The following CRHBP variants were observed in gnomAD, a reference collection of about 807,000 sequenced individuals.
CRHBP encodes corticotropin releasing hormone binding protein.
A neutral mutation model predicts 34.9 loss-of-function variants in CRHBP; 19 were observed. That is an observed-to-expected ratio of 0.55 (90% confidence interval 0.38 to 0.80). The LOEUF (loss-of-function observed/expected upper bound fraction) is 0.80. Among genes scored for constraint, CRHBP ranks in the 30% least tolerant of loss-of-function variants. The pLI is 0.00. For synonymous variants in CRHBP, 154 were observed against 153.4 expected (o/e 1.00, Z -0.03); for missense variants, 328 against 409.2 (o/e 0.80, Z 1.71).
chr5:76,975,667 G>T (rs1746013172), intron 2 of CRHBP, among the ~76,000 whole-genome samples: 1 of 150,746 alleles, frequency 6.6e-6, no homozygotes, highest in African/African-American at 2.4e-5. Context: ...AGCTGGATGT[G>T]GTTGTGCGTG....
At chr5:76,956,004 A>G (rs1033612384) in intron 4 of CRHBP, 141 bp downstream of exon 4, 11 of 673,670 alleles carry the variant, frequency 1.6e-5, no homozygotes, top group South Asian at 4.2e-5. Context: ...GACCTAAAGG[A>G]TAGTTTCTAT....
intron 3 of CRHBP, 111 bp downstream of exon 3, chr5:76,954,297 C>T (rs1453680191): frequency 7.0e-6 from 9 of 1,294,198 alleles, no homozygotes; most frequent in Non-Finnish European, 8.5e-6. Flanking sequence ...GCCAGTGGCA[C>T]TTCTTAGACA....
At chr5:76,961,509 T>A (rs1745774338) in intron 5 of CRHBP, among the ~76,000 whole-genome samples, 1 of 152,200 alleles carries the variant, frequency 6.6e-6, no homozygotes, top group African/African-American at 2.4e-5. Context: ...CTTATTCCAC[T>A]CTCAATACAA....
At chr5:76,973,524 G>T (rs1239838661), downstream of CRHBP, among the ~76,000 whole-genome samples, 1 of 152,194 alleles carries the variant, frequency 6.6e-6, no homozygotes, top group East Asian at 1.9e-4. Flanking sequence ...ATTGGATTCA[G>T]CAATGGATGA....
chr5:76,956,567 C>T (rs962527895), intron 4 of CRHBP, among the ~76,000 whole-genome samples: 2 of 152,172 alleles, frequency 1.3e-5, no homozygotes, highest in African/African-American at 4.8e-5. Context: ...AACCCCATCT[C>T]TACTAAAAAT....
chr5:76,968,146 T>G (rs1745887362), intron 6 of CRHBP, among the ~76,000 whole-genome samples: 1 of 151,818 alleles, frequency 6.6e-6, no homozygotes, highest in Admixed American at 6.6e-5. Context: ...ATCTTTTTGT[T>G]TATGTATAAA....
At chr5:76,972,179 G>A (rs1745957148), downstream of CRHBP, among the ~76,000 whole-genome samples, 1 of 151,532 alleles carries the variant, frequency 6.6e-6, no homozygotes, top group South Asian at 2.1e-4. Flanking sequence ...GGTCACGGGT[G>A]CATGCTACCT....
rs563505025 is a variant in CRHBP at position 76,964,187 on chromosome 5, G to A, written c.811+727G>A. Among the ~76,000 whole-genome samples the A allele has an allele frequency of 4.9e-4, 74 of 152,220 alleles. 1 individual carries two copies. The South Asian group carries it at 0.012, about 24-fold the overall frequency. ...TAACTCAATGAAGTCTCGGGGAGGT[G>A]GGGGAGAGGAGTCATAAAACATTCC... is the stretch of plus-strand genomic sequence containing the variant. On this transcript the variant is annotated intron_variant, in intron 6 of 6. Transcript: ENST00000274368.
intron 3 of CRHBP, among the ~76,000 whole-genome samples, chr5:76,979,616 T>TG (rs1405103552): frequency 6.6e-6 from 1 of 152,204 alleles, no homozygotes; most frequent in African/African-American, 2.4e-5. Context: ...CCCAAAGTGC[T>TG]GGGATTACAG....
intron 4 of CRHBP, among the ~76,000 whole-genome samples, chr5:76,956,324 A>T (rs1745667958): frequency 6.6e-6 from 1 of 152,206 alleles, no homozygotes; most frequent in Non-Finnish European, 1.5e-5. Flanking sequence ...GTTGGATTAT[A>T]GCACCTCAAT....
chr5:76,963,413 C>A lies in CRHBP; in HGVS notation c.764C>A (p.Ser255Tyr). The A allele has an allele frequency of 6.2e-7, 1 of 1,614,100 alleles. No individual in the cohort carries two copies. Among genetic ancestry groups the A allele is most frequent in the Non-Finnish European group, 8.5e-7 (1 of 1,180,016 alleles). The stretch of plus-strand genomic sequence containing the variant: ...CTGGGAGGAACTGGATTGGACCCTT[C>A]CAAGATGACGCCTTTAGCTGATCTC... ...ELLGGTGLDPSKMTPLADLCY... is the reference protein window; with the variant it reads ...ELLGGTGLDPYKMTPLADLCY... Residue 255 changes from serine (S) to tyrosine (Y), a missense_variant, in exon 6 of 7, where the codon TCC becomes TAC. By Grantham distance (144) the Ser-to-Tyr change is moderately radical. This residue lies in a region of CRHBP where 144 missense variants were observed against 216.7 expected (regional missense o/e 0.66). Coordinates refer to ENST00000274368, the MANE Select transcript of CRHBP (RefSeq NM_001882.4).
In CRHBP at chr5:76,954,202, C is replaced by G. The variant is rs765834486; in HGVS notation, c.333+16C>G. On this transcript the variant is annotated intron_variant, in intron 3 of 6. Transcript: ENST00000274368. ...CTTCCTGAAGGTGAGGCGCCCACGG[C>G]CAGCCAACCTAGCCGGAGGGCGGCA... 23 of 1,609,142 alleles carry G rather than the reference C, an allele frequency of 1.4e-5. No individual in the cohort carries two copies. Among genetic ancestry groups the G allele is most frequent in the Non-Finnish European group, 1.9e-5 (22 of 1,177,422 alleles).
At chr5:76,970,361 T>C (rs141405952), downstream of CRHBP, among the ~76,000 whole-genome samples, 67 of 152,180 alleles carry the variant, frequency 4.4e-4, no homozygotes, top group African/African-American at 1.5e-3. Flanking sequence ...GATTGGCATA[T>C]ACTGGGATCC....
intron 6 of CRHBP, among the ~76,000 whole-genome samples, chr5:76,964,064 A>G (rs765868023): frequency 7.9e-5 from 12 of 152,340 alleles, no homozygotes; most frequent in Non-Finnish European, 1.0e-4. Context: ...GCATATGCCA[A>G]ATAGAACCAG....
At position 76,953,089 on chromosome 5, in the gene CRHBP, C is replaced by CA. The variant is rs1193341499; in HGVS notation, c.-45dup. 3.1e-6 allele frequency: 5 copies of CA among 1,601,616 alleles called. No homozygotes were observed. The highest frequency in any genetic ancestry group is 4.3e-6 in the Non-Finnish European group (5 of 1,168,800). On this transcript the variant is annotated 5_prime_UTR_variant, in exon 1 of 7. Transcript: ENST00000274368. ...GCGCGAGGGTGTAGGAAGGAAAGCC[C>CA]AGGACCTCCGGAGCAGAGCACAGCA...
chr5:76,979,319 A>G (rs1413806700), intron 3 of CRHBP, among the ~76,000 whole-genome samples: 1 of 150,914 alleles, frequency 6.6e-6, no homozygotes, highest in Non-Finnish European at 1.5e-5. Flanking sequence ...CCAAAGGGCT[A>G]CGTTTATAGG....
At chr5:76,963,839 T>C (rs1415794284) in intron 6 of CRHBP, among the ~76,000 whole-genome samples, 1 of 152,208 alleles carries the variant, frequency 6.6e-6, no homozygotes, top group Non-Finnish European at 1.5e-5. Context: ...AGGATAATAA[T>C]GAAATAACTG....
At chr5:76,973,553 T>A (rs1745978829), downstream of CRHBP, among the ~76,000 whole-genome samples, 1 of 152,236 alleles carries the variant, frequency 6.6e-6, no homozygotes, top group African/African-American at 2.4e-5. Flanking sequence ...TTTATATCAG[T>A]CTTCTCACAC....
chr5:76,953,815 G>T, intron 2 of CRHBP, 121 bp downstream of exon 2: 2 of 1,221,936 alleles, frequency 1.6e-6, no homozygotes, highest in Non-Finnish European at 2.3e-6. Flanking sequence ...CCAGGGGCGC[G>T]GTCCCCTTAG....
Sources: allele counts gnomAD v4.1 joint callset (sites outside exome capture counted in the v4.1 genomes callset), GRCh38; gene constraint gnomAD v4.1.1; regional missense constraint gnomAD v4.1.1; transcripts MANE v1.5; gene names NCBI Gene and HGNC (gene_info 2026-07-23, HGNC 2026-07-21).